RBM48: variants seen among roughly 807,000 people sequenced by gnomAD.
The protein encoded by RBM48 is RNA binding motif protein 48, also known as RNA-binding protein 48.
A neutral mutation model predicts 34.8 loss-of-function variants in RBM48; 32 were observed. The ratio of observed to expected loss-of-function variants is 0.92; its 90% CI spans 0.69 to 1.23. The LOEUF (loss-of-function observed/expected upper bound fraction) is 1.23. Ranked by LOEUF, RBM48 falls within the 50% of genes most tolerant of loss-of-function variation. The pLI, the probability that RBM48 is intolerant of heterozygous loss-of-function variation, is 0.00. For missense variants in RBM48, 441 were observed against 447.2 expected (o/e 0.99, Z 0.12); for synonymous variants, 151 against 156.2 (o/e 0.97, Z 0.25).
At chr7:92,536,802 C>A in intron 4 of RBM48, 49 bp from the exon 5 acceptor site, 2 of 1,522,428 alleles carry the variant, frequency 1.3e-6, no homozygotes, top group East Asian at 2.4e-5. Context: ...TTATTTACTC[C>A]TGTGCTATAG....
At position 92,538,167 on chromosome 7, in the gene RBM48, A is replaced by G. The variant is rs1215416933; in HGVS notation, c.*1230A>G. On this transcript the variant is annotated 3_prime_UTR_variant, in exon 5 of 5. Coordinates refer to ENST00000265732, the MANE Select transcript of RBM48 (RefSeq NM_032120.4). ...CCGCAGACACCAGGTTATAGAAAGA[A>G]GAGGCTTTATTCGGCCAGGAGCGTC... is the stretch of plus-strand genomic sequence containing the variant. Among the ~76,000 whole-genome samples, 1 of 152,238 alleles carries G rather than the reference A, an allele frequency of 6.6e-6. No homozygotes were observed. Among genetic ancestry groups the G allele is most frequent in the Non-Finnish European group, 1.5e-5 (1 of 68,036 alleles).
rs527254556 is a variant in RBM48 at position 92,538,860 on chromosome 7, G to A, written c.*1923G>A. On this transcript the variant is annotated 3_prime_UTR_variant, in exon 5 of 5. Transcript: ENST00000265732. ...AAACGTTACCTGACAGTTAAGGAGA[G>A]GAGCTGCTAAATGGGTCGTGTGTTT... 1.4e-4 allele frequency among the ~76,000 whole-genome samples: 21 copies of A among 152,316 alleles called. No individual in the cohort carries two copies. In the South Asian group the frequency reaches 4.4e-3, roughly 32 times the overall value.
chr7:92,532,647 A>G (rs1793605461), intron 3 of RBM48, 98 bp downstream of exon 3: 1 of 821,986 alleles, frequency 1.2e-6, no homozygotes, highest in Non-Finnish European at 1.9e-6. Context: ...GAGGCAAGTA[A>G]ACCATCACAG....
Position 92,528,817 on chromosome 7 carries a change from G to C in RBM48, c.4G>C (p.Ala2Pro), listed in dbSNP as rs1793446137. The change falls in exon 1 of 5, where the codon GCG (alanine) becomes CCG (proline). Residue 2 changes from alanine (A) to proline (P), a missense_variant. Physicochemically the swap from Ala to Pro is conservative, Grantham distance 27 (BLOSUM62 -1). Coordinates refer to ENST00000265732, the MANE Select transcript of RBM48 (RefSeq NM_032120.4). M[A>P]SSGGELGSLF... ...TGCGAGGATCAAAGTAGGCAAGATG[G>C]CGTCGAGCGGCGGGGAGCTAGGGAG... is the stretch of plus-strand genomic sequence containing the variant. The C allele has an allele frequency of 6.2e-7, 1 of 1,613,714 alleles. No homozygotes were observed. The highest frequency in any genetic ancestry group is 8.5e-7 in the Non-Finnish European group (1 of 1,179,748).
intron 3 of RBM48, 87 bp from the exon 4 acceptor site, chr7:92,534,314 AT>A (rs746487847): frequency 2.1e-6 from 3 of 1,456,988 alleles, no homozygotes; most frequent in South Asian, 1.3e-5. Flanking sequence ...TTTTTAAGTG[AT>A]TTTTTTAAAT....
At chr7:92,536,318 C>G in intron 4 of RBM48, 3 of 975,882 alleles carry the variant, frequency 3.1e-6, no homozygotes, top group Non-Finnish European at 3.7e-6. Context: ...ATACAGTTTA[C>G]TATAGTTTCT....
intron 4 of RBM48, 114 bp from the exon 5 acceptor site, chr7:92,536,737 C>T (rs1793721520): frequency 2.9e-6 from 4 of 1,377,488 alleles, no homozygotes; most frequent in East Asian, 2.8e-5. Flanking sequence ...AACTCTGCCT[C>T]GAAAGTGACA....
At position 92,538,183 on chromosome 7, in the gene RBM48, C is replaced by T. The variant is rs1793769758; in HGVS notation, c.*1246C>T. Among the ~76,000 whole-genome samples the T allele has an allele frequency of 6.6e-6, 1 of 152,190 alleles. No homozygotes were observed. Among genetic ancestry groups the T allele is most frequent in the African/African-American group, 2.4e-5 (1 of 41,450 alleles). On this transcript the variant is annotated 3_prime_UTR_variant, in exon 5 of 5. Transcript: ENST00000265732. ...ATAGAAAGAAGAGGCTTTATTCGGC[C>T]AGGAGCGTCGGCAGACTTGTGTCTC...
rs1462691554 is a variant in RBM48, at chr7:92,539,127, T to A, written c.*2190T>A. Among the ~76,000 whole-genome samples, 1 of 152,238 alleles carries A rather than the reference T, an allele frequency of 6.6e-6. No individual in the cohort carries two copies. The highest frequency in any genetic ancestry group is 1.5e-5 in the Non-Finnish European group (1 of 68,038). On this transcript the variant is annotated 3_prime_UTR_variant, in exon 5 of 5. Transcript: ENST00000265732. ...CATCTTTGAATAGCAAGGCTCTAGA[T>A]AACTGGGCTACAGATGAACTCTGGA...
Position 92,528,855 on chromosome 7 carries a change from C to T in RBM48, c.42C>T (p.His14=). The change falls in exon 1 of 5, where the codon CAC becomes CAT. Residue 14 remains histidine (H), a synonymous_variant. Transcript: ENST00000265732. ...SGGELGSLFD[H]HVQRAVCDTR... ...GGGAGCTAGGGAGTTTATTTGATCA[C>T]CACGTCCAGAGGGCGGTATGCGACA... 5 of 1,614,120 alleles carry T rather than the reference C, an allele frequency of 3.1e-6. No homozygotes were observed. The highest frequency in any genetic ancestry group is 3.4e-6 in the Non-Finnish European group (4 of 1,180,008).
At position 92,538,462 on chromosome 7, in the gene RBM48, G is replaced by C. The variant is rs904367521; in HGVS notation, c.*1525G>C. 6.6e-6 allele frequency among the ~76,000 whole-genome samples: 1 copy of C among 152,122 alleles called. No individual in the cohort carries two copies. The highest frequency in any genetic ancestry group is 1.5e-5 in the Non-Finnish European group (1 of 68,030). On this transcript the variant is annotated 3_prime_UTR_variant, in exon 5 of 5. Coordinates refer to ENST00000265732, the MANE Select transcript of RBM48 (RefSeq NM_032120.4). ...GAGATGGGAGACAGGAAGAGAAATG[G>C]CCTCTCTCCTCACACTGATCCAAAT...
intron 3 of RBM48, 99 bp from the exon 4 acceptor site, chr7:92,534,303 A>G: frequency 1.4e-6 from 2 of 1,434,416 alleles, no homozygotes; most frequent in Non-Finnish European, 1.9e-6. Context: ...ATTTGTTAAC[A>G]TTTTTAAGTG....
chr7:92,532,909 G>A (rs1221442106), intron 3 of RBM48, among the ~76,000 whole-genome samples: 1 of 152,224 alleles, frequency 6.6e-6, no homozygotes, highest in Non-Finnish European at 1.5e-5. Flanking sequence ...TATAACCAAA[G>A]CCCAAAGGTT....
intron 3 of RBM48, 70 bp downstream of exon 3, chr7:92,532,619 C>T (rs1309710004): frequency 1.8e-6 from 2 of 1,136,528 alleles, no homozygotes; most frequent in Admixed American, 4.4e-5. Context: ...TCATGCAATT[C>T]CCAGTCTAGT....
Position 92,539,226 on chromosome 7 carries a change from T to A in RBM48, c.*2289T>A, listed in dbSNP as rs1793800875. On this transcript the variant is annotated 3_prime_UTR_variant, in exon 5 of 5. Coordinates refer to ENST00000265732, the MANE Select transcript of RBM48 (RefSeq NM_032120.4). ...CTAGTCCATTATGCTATATACTGTTTTCGCTCATCTCTTTTCAGATTGGAA... is the reference window on the plus strand; with the variant it reads ...CTAGTCCATTATGCTATATACTGTTATCGCTCATCTCTTTTCAGATTGGAA... 1.3e-5 allele frequency among the ~76,000 whole-genome samples: 2 copies of A among 152,220 alleles called. No individual in the cohort carries two copies. The highest frequency in any genetic ancestry group is 2.9e-5 in the Non-Finnish European group (2 of 68,042).
rs1450828122 is a variant in RBM48, at chr7:92,534,604, T to A, written c.651T>A (p.Pro217=). 1 of 1,614,200 alleles carries A rather than the reference T, an allele frequency of 6.2e-7. No individual in the cohort carries two copies. Among genetic ancestry groups the A allele is most frequent in the Non-Finnish European group, 8.5e-7 (1 of 1,180,020 alleles). ...AATGTATGTGTTCATCCGGGGGACC[T>A]GTAGACAGAGCACCAGACTCCTCTA... The part of the protein sequence containing the change: ...SSKCMCSSGG[P]VDRAPDSSKD... The change falls in exon 4 of 5, where the codon CCT becomes CCA. Residue 217 remains proline, a synonymous_variant. Transcript: ENST00000265732.
chr7:92,535,573 A>C (rs893755264), intron 4 of RBM48: 1 of 985,594 alleles, frequency 1.0e-6, no homozygotes, highest in Non-Finnish European at 1.2e-6. Flanking sequence ...TGAAGTTAAC[A>C]TCTGAGTTAG....
At chr7:92,534,247 C>G in intron 3 of RBM48, 155 bp from the exon 4 acceptor site, 1 of 1,118,882 alleles carries the variant, frequency 8.9e-7, no homozygotes. Context: ...GGTTTTAAAC[C>G]ATGTGAATAT....
At chr7:92,533,806 TC>T (rs1793633591) in intron 3 of RBM48, among the ~76,000 whole-genome samples, 1 of 152,130 alleles carries the variant, frequency 6.6e-6, no homozygotes, top group African/African-American at 2.4e-5. Flanking sequence ...TACCACATCT[TC>T]CATACTCCAT....
Sources: gnomAD v4.1 joint callset for allele counts (sites outside exome capture counted in the v4.1 genomes callset) on GRCh38, gnomAD v4.1.1 for gene constraint, MANE v1.5 for transcripts, NCBI Gene and HGNC (gene_info 2026-07-23, HGNC 2026-07-21) for gene names.